The following SV2C variants were observed in gnomAD, a reference collection of about 807,000 sequenced individuals.
SV2C encodes solute carrier family 22 member B3.
Under a neutral mutation model 79.7 loss-of-function variants are expected in SV2C, and 49 were observed. The observed-to-expected ratio is 0.61, with a 90% CI of 0.49 to 0.78. The LOEUF is 0.78. Among genes scored for constraint, SV2C ranks in the 30% least tolerant of loss-of-function variants. The pLI is 0.00. For missense variants in SV2C, 833 were observed against 912.9 expected (o/e 0.91, Z 1.13); for synonymous variants, 334 against 333.2 (o/e 1.00, Z -0.03).
chr5:75,884,634 C>T, the SV2C span, among the ~76,000 whole-genome samples: 217 of 152,006 alleles, frequency 1.4e-3, 1 homozygote, highest in African/African-American at 4.2e-3. Context: ...ACATATTGTA[C>T]AAGAAGAGGA....
intron 1 of SV2C, among the ~76,000 whole-genome samples, chr5:76,120,951 C>A (rs1303439587): frequency 6.6e-6 from 1 of 151,382 alleles, no homozygotes. Context: ...ACACTAACTT[C>A]CACAATGGTT....
the SV2C span, among the ~76,000 whole-genome samples, chr5:75,936,756 A>C: frequency 1.3e-5 from 2 of 152,232 alleles, no homozygotes; most frequent in African/African-American, 4.8e-5. Context: ...ACTAAAGTTG[A>C]CTTACTGGTC....
chr5:76,242,123 T>C (rs1745804398), intron 4 of SV2C: 3 of 1,421,112 alleles, frequency 2.1e-6, no homozygotes, highest in African/African-American at 1.4e-5. Context: ...CATCAGCTTT[T>C]CCCTTTTTCC....
the SV2C span, among the ~76,000 whole-genome samples, chr5:75,854,110 A>G: frequency 1.8e-3 from 273 of 151,726 alleles, 1 homozygote; most frequent in African/African-American, 6.4e-3. Flanking sequence ...AAAATTTCAT[A>G]TAAACCAAAG....
chr5:75,943,716 G>C, the SV2C span, among the ~76,000 whole-genome samples: 1 of 152,152 alleles, frequency 6.6e-6, no homozygotes, highest in Non-Finnish European at 1.5e-5. Flanking sequence ...GTGGAAACAA[G>C]TGAGGTCTAG....
the SV2C span, among the ~76,000 whole-genome samples, chr5:76,035,196 C>G: frequency 3.3e-5 from 5 of 151,424 alleles, no homozygotes; most frequent in East Asian, 9.7e-4. Flanking sequence ...TTCAAAAAAC[C>G]AGCTCCTGGA....
the SV2C span, among the ~76,000 whole-genome samples, chr5:76,076,966 C>T: frequency 1.3e-4 from 20 of 152,174 alleles, no homozygotes; most frequent in Middle Eastern, 3.4e-3. Context: ...AAAAAGGCAA[C>T]GAAAACCTAC....
Position 76,258,977 on chromosome 5 carries a change from T to C in SV2C, c.914-26185T>C, listed in dbSNP as rs563883183. Among the ~76,000 whole-genome samples the C allele has an allele frequency of 3.9e-5, 6 of 152,334 alleles. No homozygotes were observed. In the East Asian group the frequency reaches 9.6e-4, roughly 24 times the overall value. On this transcript the variant is annotated intron_variant, in intron 4 of 12. Transcript: ENST00000502798. ...CCTGGTTGTTGCATGTGTGGCTCTGTAGTTTGTTCCTTTTTATTGTTATAT... is the reference window on the plus strand; with the variant it reads ...CCTGGTTGTTGCATGTGTGGCTCTGCAGTTTGTTCCTTTTTATTGTTATAT...
chr5:76,020,020 G>A, the SV2C span, among the ~76,000 whole-genome samples: 2 of 152,124 alleles, frequency 1.3e-5, no homozygotes, highest in Admixed American at 6.6e-5. Context: ...GACGTAAAAC[G>A]ATCAGGAGCC....
chr5:76,130,145 TAAAAAAAAAAAAAAAAAAAA>T (rs375351450), intron 1 of SV2C, among the ~76,000 whole-genome samples: 5 of 67,832 alleles, frequency 7.4e-5, no homozygotes, highest in African/African-American at 3.5e-4. Flanking sequence ...TCTCAGTTCT[TAAAAAAAAAAAAAAAAAAAA>T]AAAAAAAAAA....
At chr5:75,933,591 G>A in the SV2C span, among the ~76,000 whole-genome samples, 1 of 152,168 alleles carries the variant, frequency 6.6e-6, no homozygotes, top group Non-Finnish European at 1.5e-5. Context: ...CCCTAGGGCA[G>A]GACCATCAGT....
intron 1 of SV2C, among the ~76,000 whole-genome samples, chr5:76,095,133 T>C (rs1446919897): frequency 6.6e-6 from 1 of 152,024 alleles, no homozygotes; most frequent in Non-Finnish European, 1.5e-5. Flanking sequence ...AAATGAAATA[T>C]ATAGTTTCAG....
the SV2C span, among the ~76,000 whole-genome samples, chr5:75,896,896 C>G: frequency 6.8e-6 from 1 of 147,010 alleles, no homozygotes; most frequent in Non-Finnish European, 1.5e-5. Flanking sequence ...ATGTCCTTTG[C>G]CCACTTTTTG....
chr5:76,052,432 C>T, the SV2C span, among the ~76,000 whole-genome samples: 1 of 152,194 alleles, frequency 6.6e-6, no homozygotes, highest in Non-Finnish European at 1.5e-5. Flanking sequence ...AGAATTAAAA[C>T]TTATTAATGG....
rs1748913877 is a variant in SV2C, at chr5:76,132,079, G to A, written c.329G>A (p.Gly110Glu). ...NQAKDSIVSV[G>E]QPKGDEYKDR... ...GCGAAGGACAGCATCGTGTCAGTGGGGCAGCCCAAGGGCGATGAGTACAAG... is the reference window on the plus strand; with the variant it reads ...GCGAAGGACAGCATCGTGTCAGTGGAGCAGCCCAAGGGCGATGAGTACAAG... The change falls in exon 2 of 13, where the codon GGG (glycine) becomes GAG (glutamate). Residue 110 changes from glycine (G) to glutamate (E), a missense_variant. Gly to Glu is a moderately conservative substitution (Grantham distance 98, BLOSUM62 -2). Coordinates refer to ENST00000502798, the MANE Select transcript of SV2C (RefSeq NM_014979.4). 6.2e-7 allele frequency: 1 copy of A among 1,612,590 alleles called. No homozygotes were observed. Among genetic ancestry groups the A allele is most frequent in the Non-Finnish European group, 8.5e-7 (1 of 1,179,030 alleles).
intron 4 of SV2C, among the ~76,000 whole-genome samples, chr5:76,283,489 G>A (rs915161455): frequency 6.6e-6 from 1 of 152,104 alleles, no homozygotes; most frequent in Admixed American, 6.5e-5. Flanking sequence ...GTGCCTTAAA[G>A]TAATAGGATT....
intron 12 of SV2C, among the ~76,000 whole-genome samples, chr5:76,341,858 G>A (rs1448404586): frequency 1.3e-5 from 2 of 152,144 alleles, no homozygotes; most frequent in Non-Finnish European, 2.9e-5. Context: ...TGCCGAAATG[G>A]GGTGGTGGGG....
At chr5:76,015,703 A>G in the SV2C span, among the ~76,000 whole-genome samples, 1 of 152,164 alleles carries the variant, frequency 6.6e-6, no homozygotes, top group East Asian at 1.9e-4. Context: ...TTTTTAATGT[A>G]TAATTGTCTG....
rs779241339 is a variant in SV2C, at chr5:76,198,489, C to T, written c.761+3390C>T. The stretch of plus-strand genomic sequence containing the variant: ...CTGAGGCCATCACCAGATGCCCAGT[C>T]TTCCAGCCAACAGAACCATGGCCAA... On this transcript the variant is annotated intron_variant, in intron 3 of 12. Transcript: ENST00000502798. Among the ~76,000 whole-genome samples the T allele has an allele frequency of 2.0e-4, 30 of 152,176 alleles. 1 individual carries two copies. The highest frequency in any genetic ancestry group is 7.3e-5 in the Non-Finnish European group (5 of 68,036).
Sources: gnomAD v4.1 joint callset for allele counts (sites outside exome capture counted in the v4.1 genomes callset) on GRCh38, gnomAD v4.1.1 for gene constraint, MANE v1.5 for transcripts, NCBI Gene and HGNC (gene_info 2026-07-23, HGNC 2026-07-21) for gene names.